The following KIF17 variants were observed in gnomAD, a reference collection of about 807,000 sequenced individuals.
KIF17 encodes the protein kinesin family member 17.
KIF17 carries 80 observed loss-of-function variants against 96.8 expected under a neutral mutation model. The ratio of observed to expected loss-of-function variants is 0.83; its 90% CI spans 0.69 to 1.00. The LOEUF is 1.00. Among genes scored for constraint, KIF17 ranks in the 50% least tolerant of loss-of-function variants. The pLI is 0.00. For synonymous variants in KIF17, 567 were observed against 587.5 expected (o/e 0.97, Z 0.51); for missense variants, 1,280 against 1,372.9 (o/e 0.93, Z 1.07).
At position 20,687,893 on chromosome 1, in the gene KIF17, G is replaced by T. The variant is rs200416385; in HGVS notation, c.1433C>A (p.Ala478Asp). 4 of 1,613,908 alleles carry T rather than the reference G, an allele frequency of 2.5e-6. No homozygotes were observed. Among genetic ancestry groups the T allele is most frequent in the Non-Finnish European group, 2.5e-6 (3 of 1,180,024 alleles). Residue 478 changes from alanine (A) to aspartate (D), a missense_variant, in exon 8 of 15, where the codon GCT (alanine) becomes GAT (aspartate). By Grantham distance (126) the Ala-to-Asp change is moderately radical. Coordinates refer to ENST00000400463, the MANE Select transcript of KIF17 (RefSeq NM_001122819.3). The surrounding 1 kb of genome is among the most constrained non-coding windows in gnomAD (Gnocchi z 4.4). ...VLYKAEVMSR[A>D]EFASSAEYPP... ...GTACTCAGCGCTGCTGGCAAACTCAGCCCTGGACATGACCTCAGCCTTGTA... is the reference window on the plus strand; with the variant it reads ...GTACTCAGCGCTGCTGGCAAACTCATCCCTGGACATGACCTCAGCCTTGTA...
intron 11 of KIF17, among the ~76,000 whole-genome samples, chr1:20,676,135 C>T (rs922399765): frequency 1.3e-5 from 2 of 152,078 alleles, no homozygotes; most frequent in Admixed American, 1.3e-4. Context: ...TTCTCTACCC[C>T]TGTGACAGAT....
intron 6 of KIF17, among the ~76,000 whole-genome samples, chr1:20,692,030 T>C (rs2054048112): frequency 6.6e-6 from 1 of 152,212 alleles, no homozygotes; most frequent in East Asian, 1.9e-4. Flanking sequence ...GACACAGCCA[T>C]AGTGCCCACC....
At chr1:20,696,475 G>A (rs1244251658) in intron 6 of KIF17, among the ~76,000 whole-genome samples, 1 of 152,152 alleles carries the variant, frequency 6.6e-6, no homozygotes, top group African/African-American at 2.4e-5. Flanking sequence ...CCACTCTGAC[G>A]CAGTGTCCAC....
At position 20,686,584 on chromosome 1, in the gene KIF17, C is replaced by T. The variant is rs572396267; in HGVS notation, c.1939-458G>A. Among the ~76,000 whole-genome samples, 15 of 152,242 alleles carry T rather than the reference C, an allele frequency of 9.9e-5. 1 individual carries two copies. The South Asian group carries it at 2.5e-3, about 25-fold the overall frequency. Reference sequence around the variant, plus strand: ...ACTTTTTTTTTCTTTGAGATGGAGTCTCGCTCTGTCGCCCAGGCTGGAGCA... The same window carrying T: ...ACTTTTTTTTTCTTTGAGATGGAGTTTCGCTCTGTCGCCCAGGCTGGAGCA... On this transcript the variant is annotated intron_variant, in intron 8 of 14. Coordinates refer to ENST00000400463, the MANE Select transcript of KIF17 (RefSeq NM_001122819.3).
chr1:20,674,219 G>T (rs1481943189), intron 11 of KIF17, among the ~76,000 whole-genome samples: 1 of 152,174 alleles, frequency 6.6e-6, no homozygotes, highest in East Asian at 1.9e-4. Context: ...GTGAGCCACT[G>T]CACCCAGCAC....
chr1:20,683,002 A>G (rs2053859909), intron 10 of KIF17, 118 bp from the exon 11 acceptor site: 1 of 826,156 alleles, frequency 1.2e-6, no homozygotes, highest in Admixed American at 2.3e-5. Flanking sequence ...ACCCCACTTC[A>G]CAGGGAGGGA....
chr1:20,675,380 G>A (rs550542200), intron 11 of KIF17, among the ~76,000 whole-genome samples: 10 of 148,006 alleles, frequency 6.8e-5, no homozygotes, highest in East Asian at 2.0e-4. Context: ...CCCCGGAGGC[G>A]GAGCTTGCAG....
chr1:20,675,862 T>G (rs995365306), intron 11 of KIF17, among the ~76,000 whole-genome samples: 1 of 152,186 alleles, frequency 6.6e-6, no homozygotes, highest in Admixed American at 6.5e-5. Flanking sequence ...TCATTGTTTT[T>G]GGAATGTAAG....
At chr1:20,692,227 T>C (rs2054051729) in intron 6 of KIF17, among the ~76,000 whole-genome samples, 1 of 152,188 alleles carries the variant, frequency 6.6e-6, no homozygotes, top group East Asian at 1.9e-4. Context: ...CCCTGCTCCC[T>C]GGCAAGCACC....
chr1:20,670,274 T>A (rs1272917861), intron 13 of KIF17, 147 bp downstream of exon 13: 1 of 769,066 alleles, frequency 1.3e-6, no homozygotes, highest in Non-Finnish European at 2.2e-6. Flanking sequence ...TGGAGGGGCA[T>A]GAAAAGGATC....
intron 14 of KIF17, among the ~76,000 whole-genome samples, chr1:20,665,096 T>C (rs2053501335): frequency 6.6e-6 from 1 of 151,742 alleles, no homozygotes; most frequent in East Asian, 1.9e-4. Flanking sequence ...CTGCTTCGTC[T>C]CTGAGCCTCA....
intron 4 of KIF17, among the ~76,000 whole-genome samples, chr1:20,708,455 A>G (rs891231965): frequency 1.3e-5 from 2 of 152,140 alleles, no homozygotes; most frequent in Non-Finnish European, 2.9e-5. Context: ...CATCACACCC[A>G]GCTAATTCCT....
Position 20,690,225 on chromosome 1 carries a change from C to A in KIF17, c.1344G>T (p.Arg448Ser), listed in dbSNP as rs2054013377. The A allele has an allele frequency of 6.2e-7, 1 of 1,613,954 alleles. No homozygotes were observed. Among genetic ancestry groups the A allele is most frequent in the Non-Finnish European group, 8.5e-7 (1 of 1,180,022 alleles). Reference protein sequence around the residue: ...ITAMRNSYDVRLSTLEENLRK... With the variant: ...ITAMRNSYDVSLSTLEENLRK... ...GCAGGTTCTCCTCCAGCGTGGACAG[C>A]CTGACGTCATATGAGTTGCGCATGG... Residue 448 changes from arginine to serine, a missense_variant, in exon 7 of 15, where the codon AGG becomes AGT. Physicochemically the swap from Arg to Ser is moderately radical, Grantham distance 110. Coordinates refer to ENST00000400463, the MANE Select transcript of KIF17 (RefSeq NM_001122819.3).
intron 6 of KIF17, among the ~76,000 whole-genome samples, chr1:20,692,306 G>A (rs2054052876): frequency 6.6e-6 from 1 of 150,954 alleles, no homozygotes; most frequent in African/African-American, 2.4e-5. Flanking sequence ...GAAGCAGAAG[G>A]CCTCCTGCAC....
At chr1:20,662,944 T>C (rs565735515), downstream of KIF17, among the ~76,000 whole-genome samples, 2 of 152,272 alleles carry the variant, frequency 1.3e-5, no homozygotes, top group African/African-American at 2.4e-5. Context: ...AGACCTGATA[T>C]CGACCAGGCG....
chr1:20,667,072 G>A (rs1161318163), intron 13 of KIF17, among the ~76,000 whole-genome samples: 1 of 152,172 alleles, frequency 6.6e-6, no homozygotes, highest in Non-Finnish European at 1.5e-5. Context: ...TTTAAGACAA[G>A]GGTTTCCAAC....
intron 3 of KIF17, among the ~76,000 whole-genome samples, chr1:20,712,584 A>ATT (rs2054460452): frequency 2.5e-5 from 1 of 39,822 alleles, no homozygotes; most frequent in Non-Finnish European, 5.7e-5. Flanking sequence ...AATATTATCT[A>ATT]TATATATATC....
In KIF17 at chr1:20,715,414, G is replaced by C. The variant is rs919698945; in HGVS notation, c.378+79C>G. 18 of 1,578,620 alleles carry C rather than the reference G, an allele frequency of 1.1e-5. No homozygotes were observed. In the East Asian group the frequency reaches 3.8e-4, roughly 33 times the overall value. On this transcript the variant is annotated intron_variant, in intron 2 of 14. Transcript: ENST00000400463. ...TCAGGCCGGGCTCCAAAGACTTCCCGTGTCTCTGCCACCTGTCAGAAGTGC... is the reference window on the plus strand; with the variant it reads ...TCAGGCCGGGCTCCAAAGACTTCCCCTGTCTCTGCCACCTGTCAGAAGTGC...
intron 3 of KIF17, among the ~76,000 whole-genome samples, chr1:20,713,245 C>T (rs1356342947): frequency 6.6e-6 from 1 of 151,216 alleles, no homozygotes; most frequent in African/African-American, 2.4e-5. Flanking sequence ...ATCTGCCCAC[C>T]TTGGCCTCCC....
Sources: allele counts gnomAD v4.1 joint callset (sites outside exome capture counted in the v4.1 genomes callset), GRCh38; gene constraint gnomAD v4.1.1; non-coding constraint Gnocchi (gnomAD v3.1); transcripts MANE v1.5; gene names NCBI Gene and HGNC (gene_info 2026-07-23, HGNC 2026-07-21).